Variants in STARD3 observed in about 807,000 individuals in gnomAD.
STARD3 encodes stAR-related lipid transfer protein 3.
STARD3 carries 39 observed loss-of-function variants against 62.0 expected under a neutral mutation model. The observed-to-expected ratio is 0.63, with a 90% confidence interval of 0.49 to 0.82. The LOEUF is 0.82. Among genes scored for constraint, STARD3 ranks in the 40% least tolerant of loss-of-function variants. The pLI is 0.00. For missense variants in STARD3, 543 were observed against 584.5 expected, an observed-to-expected ratio of 0.93 and a Z score of 0.73; for synonymous variants, 229 against 242.4, an observed-to-expected ratio of 0.94 and a Z score of 0.51.
intron 6 of STARD3, 44 bp from the exon 7 acceptor site, chr17:39,658,678 A>G: frequency 6.2e-7 from 1 of 1,605,566 alleles, no homozygotes; most frequent in Non-Finnish European, 8.5e-7. Context: ...CCAGGCTGCT[A>G]GGGTGTAACT....
At chr17:39,641,615 A>G (rs2056983783) in intron 1 of STARD3, among the ~76,000 whole-genome samples, 1 of 152,180 alleles carries the variant, frequency 6.6e-6, no homozygotes, top group Non-Finnish European at 1.5e-5. Flanking sequence ...TAATAGTAGT[A>G]ATAGCTGCTA....
intron 1 of STARD3, among the ~76,000 whole-genome samples, chr17:39,652,195 G>C (rs903563867): frequency 1.3e-5 from 2 of 152,198 alleles, no homozygotes; most frequent in Non-Finnish European, 2.9e-5. Context: ...GGCCTCCAGA[G>C]TGGCTGCTTC....
intron 1 of STARD3, among the ~76,000 whole-genome samples, chr17:39,645,003 G>C (rs902569164): frequency 1.2e-4 from 19 of 152,252 alleles, no homozygotes. Context: ...AAGGAACCCT[G>C]TCTGTGGCTC....
At chr17:39,657,174 A>C in intron 3 of STARD3, 89 bp downstream of exon 3, 1 of 1,255,844 alleles carries the variant, frequency 8.0e-7, no homozygotes, top group Non-Finnish European at 1.2e-6. Flanking sequence ...GGCAGCATAT[A>C]TCCAGTCTGA....
intron 14 of STARD3, 170 bp downstream of exon 14, chr17:39,662,514 T>TACAGCAACCCAGGGCTAA: frequency 1.4e-6 from 1 of 695,166 alleles, no homozygotes; most frequent in South Asian, 1.8e-5. Flanking sequence ...CTCTTAGCCC[T>TACAGCAACCCAGGGCTAA]GGGTTGCTGT....
chr17:39,643,711 A>G (rs778983402), intron 1 of STARD3, among the ~76,000 whole-genome samples: 4 of 152,136 alleles, frequency 2.6e-5, no homozygotes, highest in Admixed American at 1.3e-4. Context: ...GCTTGACTCA[A>G]AACAACCCCA....
chr17:39,655,467 A>G (rs1298542705), intron 2 of STARD3, among the ~76,000 whole-genome samples: 1 of 151,926 alleles, frequency 6.6e-6, no homozygotes, highest in Non-Finnish European at 1.5e-5. Context: ...TAGAGGCATG[A>G]GCCACTGTGC....
intron 1 of STARD3, among the ~76,000 whole-genome samples, chr17:39,647,221 C>G (rs1356565522): frequency 6.6e-6 from 1 of 151,278 alleles, no homozygotes; most frequent in Non-Finnish European, 1.5e-5. Flanking sequence ...AAAAAAAAAC[C>G]CTCCACTTTC....
At chr17:39,641,511 C>T (rs982335026) in intron 1 of STARD3, among the ~76,000 whole-genome samples, 3 of 152,124 alleles carry the variant, frequency 2.0e-5, no homozygotes, top group African/African-American at 7.2e-5. Context: ...GTCTACCCTT[C>T]CATTCTGCAG....
chr17:39,659,351 G>C, intron 8 of STARD3, 110 bp from the exon 9 acceptor site: 2 of 1,162,710 alleles, frequency 1.7e-6, no homozygotes, highest in Non-Finnish European at 2.5e-6. Flanking sequence ...CATGTGGCTG[G>C]GCCAGGCCCC....
Position 39,653,708 on chromosome 17 carries a change from C to A in STARD3, c.177C>A (p.Phe59Leu). ...GCACCTTCTGTCTCTTCGTCACCTT[C>A]GACCTGCTCTTCATCTCCCTGCTCT... ...VRRTFCLFVT[F>L]DLLFISLLWI... Residue 59 changes from phenylalanine (F) to leucine (L), a missense_variant, in exon 2 of 15, where the codon TTC becomes TTA. Transcript: ENST00000336308. The A allele has an allele frequency of 6.2e-7, 1 of 1,614,220 alleles. No homozygotes were observed. The highest frequency in any genetic ancestry group is 8.5e-7 in the Non-Finnish European group (1 of 1,180,040).
rs761260206 is a variant in STARD3 at position 39,661,009 on chromosome 17, C to T, written c.1063C>T (p.Arg355Trp). Residue 355 changes from arginine to tryptophan, a missense_variant, in exon 13 of 15, where the codon CGG (arginine) becomes TGG (tryptophan). Arg to Trp is a moderately radical substitution (Grantham distance 101). Transcript: ENST00000336308. ...RDFVNVRRIE[R>W]RRDRYLSSGI... ...CTTCGTGAATGTCCGGCGCATTGAG[C>T]GGCGCAGGGACCGATACTTGTCATC... is the stretch of plus-strand genomic sequence containing the variant. The T allele has an allele frequency of 8.1e-6, 13 of 1,613,638 alleles. No homozygotes were observed. Among genetic ancestry groups the T allele is most frequent in the Middle Eastern group, 1.6e-4 (1 of 6,082 alleles).
At chr17:39,662,160 C>T in intron 13 of STARD3, 91 bp from the exon 14 acceptor site, 1 of 1,185,960 alleles carries the variant, frequency 8.4e-7, no homozygotes, top group Non-Finnish European at 1.2e-6. Flanking sequence ...CCCAGCTGGG[C>T]CAAGAATGGA....
intron 1 of STARD3, among the ~76,000 whole-genome samples, chr17:39,648,035 C>T (rs2057042804): frequency 6.6e-6 from 1 of 152,104 alleles, no homozygotes; most frequent in Non-Finnish European, 1.5e-5. Context: ...CCTGTAATCC[C>T]AGCACTTTGG....
rs778817399 is a variant in STARD3 at position 39,662,282 on chromosome 17, C to T, written c.1171C>T (p.Leu391Phe). The T allele has an allele frequency of 6.2e-7, 1 of 1,614,022 alleles. No homozygotes were observed. Among genetic ancestry groups the T allele is most frequent in the East Asian group, 2.2e-5 (1 of 44,874 alleles). ...GAATGGCCCTGGGGGCTTCATCGTGCTCAAGTCGGCCAGTAACCCCCGTGT... is the reference window on the plus strand; with the variant it reads ...GAATGGCCCTGGGGGCTTCATCGTGTTCAAGTCGGCCAGTAACCCCCGTGT... ...GENGPGGFIVLKSASNPRVCT... is the reference protein window; with the variant it reads ...GENGPGGFIVFKSASNPRVCT... Residue 391 changes from leucine (L) to phenylalanine (F), a missense_variant, in exon 14 of 15, where the codon CTC becomes TTC. Coordinates refer to ENST00000336308, the MANE Select transcript of STARD3 (RefSeq NM_006804.4).
At chr17:39,654,354 A>T (rs1490242373) in intron 2 of STARD3, among the ~76,000 whole-genome samples, 2 of 152,142 alleles carry the variant, frequency 1.3e-5, no homozygotes, top group African/African-American at 4.8e-5. Context: ...GTGACCCATG[A>T]TTGCACCACT....
At chr17:39,653,394 T>C in intron 1 of STARD3, 87 bp from the exon 2 acceptor site, 1 of 886,790 alleles carries the variant, frequency 1.1e-6, no homozygotes, top group Non-Finnish European at 1.7e-6. Context: ...TAGAGACAAA[T>C]GCGTTTGGGA....
rs200708532 is a variant in STARD3 at position 39,661,070 on chromosome 17, C to A, written c.1124C>A (p.Thr375Lys). 1.5e-5 allele frequency: 25 copies of A among 1,613,688 alleles called. No individual in the cohort carries two copies. The highest frequency in any genetic ancestry group is 2.1e-5 in the Non-Finnish European group (25 of 1,180,032). ...IATSHSAKPP[T>K]HKYVRGENGP... is the part of the protein sequence containing the mutation. ...ACCTCACACAGTGCCAAGCCCCCGA[C>A]GCACAAATATGTCCGGTGAGCCTCA... is the stretch of plus-strand genomic sequence containing the variant. The change falls in exon 13 of 15, where the codon ACG becomes AAG. Residue 375 changes from threonine to lysine, a missense_variant. Transcript: ENST00000336308.
chr17:39,646,691 A>G (rs2057028890), intron 1 of STARD3, among the ~76,000 whole-genome samples: 2 of 152,228 alleles, frequency 1.3e-5, no homozygotes, highest in East Asian at 1.9e-4. Flanking sequence ...CCATGATACC[A>G]GCCACCTCCT....
Sources: allele counts gnomAD v4.1 joint callset (sites outside exome capture counted in the v4.1 genomes callset), GRCh38; gene constraint gnomAD v4.1.1; transcripts MANE v1.5; gene names NCBI Gene and HGNC (gene_info 2026-07-23, HGNC 2026-07-21).